Variants in RAB3B observed in about 807,000 individuals in gnomAD.
RAB3B encodes the protein ras-related protein Rab-3B.
A neutral mutation model predicts 20.5 loss-of-function variants in RAB3B; 11 were observed. That is an observed-to-expected ratio of 0.54 (90% CI 0.34 to 0.89). The LOEUF is 0.89. Ranked by LOEUF, RAB3B falls within the 40% of genes least tolerant of loss-of-function variation. The pLI is 0.02. For synonymous variants in RAB3B, 99 were observed against 106.3 expected, an observed-to-expected ratio of 0.93 and a Z score of 0.42; for missense variants, 225 against 280.9, an observed-to-expected ratio of 0.80 and a Z score of 1.42.
chr1:51,935,216 C>T (rs1389541496), intron 3 of RAB3B, among the ~76,000 whole-genome samples: 2 of 152,202 alleles, frequency 1.3e-5, no homozygotes, highest in Non-Finnish European at 2.9e-5. Context: ...ACCCTAACTG[C>T]AACCTGAACC....
Position 51,909,782 on chromosome 1 carries a change from C to A in RAB3B, c.*10145G>T. The A allele has an allele frequency of 6.6e-6, 1 of 152,404 alleles. No individual in the cohort carries two copies. The allele number at this position is 152,404 out of a possible 1,614,324, so 9.4% of individuals were successfully genotyped here. On this transcript the variant is annotated 3_prime_UTR_variant, in exon 5 of 5. Transcript: ENST00000371655. The stretch of plus-strand genomic sequence containing the variant: ...CTCCATCTCCTACTTACACAATGCC[C>A]CTTCTCTTGCTCCTTTGCTCATGGT...
rs1274173400 is a variant in RAB3B, at chr1:51,910,521, C to T, written c.*9406G>A. 1.3e-5 allele frequency: 2 copies of T among 152,264 alleles called. No homozygotes were observed. Among genetic ancestry groups the T allele is most frequent in the African/African-American group, 4.8e-5 (2 of 41,554 alleles). The allele number at this position is 152,264 out of a possible 1,614,324, so 9.4% of individuals were successfully genotyped here. On this transcript the variant is annotated 3_prime_UTR_variant, in exon 5 of 5. Transcript: ENST00000371655. ...CATCCAAACACAAATTGCTAAGATG[C>T]TTTCTGGCAGCCTCAGAAACCAGGA... is the stretch of plus-strand genomic sequence containing the variant.
intron 2 of RAB3B, among the ~76,000 whole-genome samples, chr1:51,952,859 C>T (rs1262842643): frequency 6.6e-6 from 1 of 152,132 alleles, no homozygotes; most frequent in African/African-American, 2.4e-5. Context: ...TTTCTCTTCC[C>T]CTGTTCTCTC....
At chr1:51,934,322 A>C (rs1249754222) in intron 3 of RAB3B, among the ~76,000 whole-genome samples, 1 of 152,080 alleles carries the variant, frequency 6.6e-6, no homozygotes, top group Non-Finnish European at 1.5e-5. Context: ...CAACACCTTG[A>C]GGGGAGCCTC....
chr1:51,976,315 A>C (rs1473444723), intron 2 of RAB3B, among the ~76,000 whole-genome samples: 1 of 152,046 alleles, frequency 6.6e-6, no homozygotes, highest in Non-Finnish European at 1.5e-5. Flanking sequence ...ACAGGAGCCC[A>C]CCACCATGCC....
intron 4 of RAB3B, among the ~76,000 whole-genome samples, chr1:51,927,946 A>G (rs1310501525): frequency 6.6e-6 from 1 of 152,118 alleles, no homozygotes; most frequent in Admixed American, 6.6e-5. Context: ...CCCCTTTCCG[A>G]GGAGCACATG....
intron 4 of RAB3B, 22 bp downstream of exon 4, chr1:51,933,296 C>T (rs911213526): frequency 1.9e-6 from 3 of 1,611,616 alleles, no homozygotes; most frequent in Admixed American, 1.7e-5. Flanking sequence ...CACACATGCA[C>T]ATACATGTGT....
At chr1:51,960,340 G>A (rs1684768638) in intron 2 of RAB3B, among the ~76,000 whole-genome samples, 1 of 152,110 alleles carries the variant, frequency 6.6e-6, no homozygotes, top group Non-Finnish European at 1.5e-5. Context: ...GCAGTAGTGG[G>A]GCACTCAAGA....
At chr1:51,953,546 G>A (rs922779762) in intron 2 of RAB3B, among the ~76,000 whole-genome samples, 5 of 152,360 alleles carry the variant, frequency 3.3e-5, no homozygotes, top group African/African-American at 1.2e-4. Context: ...GCTTGCTCCT[G>A]TAATCCCAGC....
At chr1:51,960,494 C>T (rs1047657811) in intron 2 of RAB3B, among the ~76,000 whole-genome samples, 1 of 152,288 alleles carries the variant, frequency 6.6e-6, no homozygotes, top group East Asian at 1.9e-4. Context: ...GAGTTTCCAG[C>T]TGTCGCCTGG....
chr1:51,931,719 G>A (rs1231370177), intron 4 of RAB3B, among the ~76,000 whole-genome samples: 1 of 152,088 alleles, frequency 6.6e-6, no homozygotes, highest in Non-Finnish European at 1.5e-5. Flanking sequence ...GGGGTGCATT[G>A]AGAGAACAAA....
At chr1:51,943,010 C>G (rs1684515077) in intron 2 of RAB3B, among the ~76,000 whole-genome samples, 1 of 152,168 alleles carries the variant, frequency 6.6e-6, no homozygotes, top group Admixed American at 6.5e-5. Context: ...CTCCACCAAC[C>G]AGCCATTCCC....
chr1:51,925,900 C>T (rs532499975), intron 4 of RAB3B, among the ~76,000 whole-genome samples: 1 of 152,320 alleles, frequency 6.6e-6, no homozygotes, highest in East Asian at 1.9e-4. Context: ...GCAAAAAATA[C>T]TAGTATTAGA....
In RAB3B at chr1:51,958,269, C is replaced by G. The variant is rs116451538; in HGVS notation, c.228+18621G>C. 5.4e-3 allele frequency among the ~76,000 whole-genome samples: 816 copies of G among 152,300 alleles called. 12 individuals are homozygous for G. Among genetic ancestry groups the G allele is most frequent in the African/African-American group, 0.019 (794 of 41,560 alleles). On this transcript the variant is annotated intron_variant, in intron 2 of 4. Transcript: ENST00000371655. ...AGGGCCCACTTAGTCCATTTGTCAA[C>G]TTTAATAAAGTACAACCCTTTACCC...
At position 51,914,681 on chromosome 1, in the gene RAB3B, C is replaced by T. The variant is rs1342995003; in HGVS notation, c.*5246G>A. 1 of 152,132 alleles carries T rather than the reference C, an allele frequency of 6.6e-6. No homozygotes were observed. Among genetic ancestry groups the T allele is most frequent in the African/African-American group, 2.4e-5 (1 of 41,420 alleles). The allele number at this position is 152,132 out of a possible 1,614,324, so 9.4% of individuals were successfully genotyped here. On this transcript the variant is annotated 3_prime_UTR_variant, in exon 5 of 5. Transcript: ENST00000371655. ...CGGACTAGTGTTTTGCATTTACTTCCAGCCACAGGATGCTACTTGATTCCC... is the reference window on the plus strand; with the variant it reads ...CGGACTAGTGTTTTGCATTTACTTCTAGCCACAGGATGCTACTTGATTCCC...
intron 1 of RAB3B, among the ~76,000 whole-genome samples, chr1:51,986,479 G>A (rs1685153872): frequency 6.6e-6 from 1 of 152,088 alleles, no homozygotes; most frequent in African/African-American, 2.4e-5. Flanking sequence ...CGGATGTGGT[G>A]GTGTGCACCT....
At chr1:51,922,674 C>CT (rs57185867) in intron 4 of RAB3B, among the ~76,000 whole-genome samples, 13,268 of 146,186 alleles carry the variant, frequency 0.091, 1,034 homozygotes, top group African/African-American at 0.21. Flanking sequence ...TAAGCCAGGT[C>CT]TTTTTTTTTT....
chr1:51,965,893 A>C (rs1349096234), intron 2 of RAB3B, among the ~76,000 whole-genome samples: 1 of 152,254 alleles, frequency 6.6e-6, no homozygotes, highest in Non-Finnish European at 1.5e-5. Context: ...GGCAAAGGAC[A>C]CATGGGAACT....
At chr1:51,948,602 C>T (rs534032077) in intron 2 of RAB3B, among the ~76,000 whole-genome samples, 5 of 152,214 alleles carry the variant, frequency 3.3e-5, no homozygotes, top group African/African-American at 1.2e-4. Flanking sequence ...GGTTCTGAAG[C>T]GGAAGAGGCC....
Sources: allele counts gnomAD v4.1 joint callset (sites outside exome capture counted in the v4.1 genomes callset), GRCh38; gene constraint gnomAD v4.1.1; transcripts MANE v1.5; gene names NCBI Gene and HGNC (gene_info 2026-07-23, HGNC 2026-07-21).